MDFIC: variants seen among roughly 807,000 people sequenced by gnomAD.
MDFIC encodes the protein myoD family inhibitor domain-containing protein.
A neutral mutation model predicts 23.2 loss-of-function variants in MDFIC; 17 were observed. The observed-to-expected ratio is 0.73, with a 90% CI of 0.50 to 1.10. The LOEUF (loss-of-function observed/expected upper bound fraction) is 1.10. Ranked by LOEUF, MDFIC falls within the 50% of genes least tolerant of loss-of-function variation. The pLI is 0.00. For synonymous variants in MDFIC, 120 were observed against 115.2 expected, an observed-to-expected ratio of 1.04 and a Z score of -0.27; for missense variants, 356 against 316.6, an observed-to-expected ratio of 1.12 and a Z score of -0.95.
At chr7:114,955,573 C>T (rs1792867576) in intron 3 of MDFIC, among the ~76,000 whole-genome samples, 3 of 152,274 alleles carry the variant, frequency 2.0e-5, no homozygotes, top group Admixed American at 6.5e-5. Context: ...CTCTGTAGAC[C>T]CCACATCCCT....
intron 2 of MDFIC, among the ~76,000 whole-genome samples, chr7:114,926,832 G>A (rs963018690): frequency 6.6e-6 from 1 of 152,236 alleles, no homozygotes. Flanking sequence ...TGTATATAAT[G>A]TATACTTGTA....
At chr7:114,989,680 C>T (rs993676933) in intron 4 of MDFIC, among the ~76,000 whole-genome samples, 8 of 152,176 alleles carry the variant, frequency 5.3e-5, no homozygotes, top group African/African-American at 1.2e-4. Flanking sequence ...TTGTTAACCT[C>T]GATGGCTCTG....
At chr7:114,927,571 A>G (rs1792218503) in intron 2 of MDFIC, among the ~76,000 whole-genome samples, 1 of 152,166 alleles carries the variant, frequency 6.6e-6, no homozygotes, top group South Asian at 2.1e-4. Flanking sequence ...AAGAAATGCA[A>G]AAGTAAAAAT....
chr7:114,923,365 G>A, intron 2 of MDFIC: 1 of 1,346,948 alleles, frequency 7.4e-7, no homozygotes, highest in Non-Finnish European at 1.0e-6. Flanking sequence ...CTTTGGTTGC[G>A]AAGAAACAGG....
intron 4 of MDFIC, among the ~76,000 whole-genome samples, chr7:114,986,555 A>G (rs1412571762): frequency 6.6e-6 from 1 of 152,220 alleles, no homozygotes; most frequent in Non-Finnish European, 1.5e-5. Flanking sequence ...TGCAAACTCC[A>G]GGTCTAACTC....
intron 2 of MDFIC, among the ~76,000 whole-genome samples, chr7:114,926,696 T>A (rs1792197439): frequency 2.0e-5 from 3 of 152,134 alleles, no homozygotes; most frequent in African/African-American, 7.2e-5. Context: ...TAATCTAAAA[T>A]AGAAGCTGGG....
At chr7:114,980,027 G>A (rs117374702) in intron 4 of MDFIC, 6,877 of 515,008 alleles carry the variant, frequency 0.013, 59 homozygotes, top group Non-Finnish European at 0.018. Context: ...AAATATAACT[G>A]CTATACTTCT....
At chr7:114,989,168 G>C (rs887464570) in intron 4 of MDFIC, among the ~76,000 whole-genome samples, 3 of 152,290 alleles carry the variant, frequency 2.0e-5, no homozygotes, top group Non-Finnish European at 2.9e-5. Context: ...ACAGACTGGA[G>C]ATAATGATAT....
At chr7:114,993,495 TAA>T (rs1791238091) in intron 4 of MDFIC, among the ~76,000 whole-genome samples, 1 of 152,262 alleles carries the variant, frequency 6.6e-6, no homozygotes, top group South Asian at 2.1e-4. Flanking sequence ...TTTAGTGTTA[TAA>T]ATTTCCCTTT....
intron 4 of MDFIC, among the ~76,000 whole-genome samples, chr7:114,998,147 GA>G (rs1371180067): frequency 6.6e-6 from 1 of 152,156 alleles, no homozygotes; most frequent in Admixed American, 6.5e-5. Context: ...AAGTTTTGGG[GA>G]AAAATACAGA....
chr7:114,953,604 T>A lies in MDFIC; in HGVS notation c.217+11207T>A, dbSNP rs115169865. On this transcript the variant is annotated intron_variant, in intron 3 of 4. Coordinates refer to ENST00000393486, the MANE Select transcript of MDFIC (RefSeq NM_001166345.3). ...TCATTGTGTGAAACAGTGTTGAGTGTGATATGGCTGTGACTCTTTATGCCT... is the reference window on the plus strand; with the variant it reads ...TCATTGTGTGAAACAGTGTTGAGTGAGATATGGCTGTGACTCTTTATGCCT... Among the ~76,000 whole-genome samples, 669 of 152,320 alleles carry A rather than the reference T, an allele frequency of 4.4e-3. 5 individuals are homozygous for A. Among genetic ancestry groups the A allele is most frequent in the African/African-American group, 0.016 (646 of 41,580 alleles).
At chr7:114,951,266 G>T (rs1792763494) in intron 3 of MDFIC, among the ~76,000 whole-genome samples, 1 of 152,036 alleles carries the variant, frequency 6.6e-6, no homozygotes, top group Admixed American at 6.6e-5. Flanking sequence ...TTGCTGCTTT[G>T]GCCTAAGGTC....
chr7:114,999,027 CTG>C lies in MDFIC; in HGVS notation c.494-16659_494-16658del, dbSNP rs200518027. On this transcript the variant is annotated intron_variant, in intron 4 of 4. Coordinates refer to ENST00000393486, the MANE Select transcript of MDFIC (RefSeq NM_001166345.3). ...GTACACCTTCCATATCTCTGTCTGA[CTG>C]TCTCTGTTCCCCATGTCTCTTTCTC... Among the ~76,000 whole-genome samples, 868 of 152,154 alleles carry C rather than the reference CTG, an allele frequency of 5.7e-3. 11 individuals are homozygous for C. Among genetic ancestry groups the C allele is most frequent in the African/African-American group, 0.019 (791 of 41,520 alleles).
At position 114,922,099 on chromosome 7, in the gene MDFIC, C is replaced by T. The variant is rs888304935; in HGVS notation, c.-645C>T. On this transcript the variant is annotated 5_prime_UTR_variant, in exon 1 of 5. Transcript: ENST00000393486. ...GGGCAGCCAGGGACCTGCCCATTCA[C>T]TCCCCTTTCCCAGCCCCGGGAGGGC... 5 of 281,808 alleles carry T rather than the reference C, an allele frequency of 1.8e-5. No individual in the cohort carries two copies. Among genetic ancestry groups the T allele is most frequent in the Non-Finnish European group, 2.6e-5 (4 of 152,224 alleles). 17.5% of individuals were successfully genotyped at this position (281,808 alleles called of 1,614,324 possible).
rs1441616057 is a variant in MDFIC, at chr7:115,018,989, TATA to T, written c.*3058_*3060del. 2.6e-5 allele frequency: 4 copies of T among 151,246 alleles called. No homozygotes were observed. Among genetic ancestry groups the T allele is most frequent in the Non-Finnish European group, 5.9e-5 (4 of 67,760 alleles). The allele number at this position is 151,246 out of a possible 1,614,324, so 9.4% of individuals were successfully genotyped here. ...AAAACACAGTGTTCTTTTAAAAATC[TATA>T]ATATGTCAAAATACAAGTTTTTTTT... is the stretch of plus-strand genomic sequence containing the variant. On this transcript the variant is annotated 3_prime_UTR_variant, in exon 5 of 5. Coordinates refer to ENST00000393486, the MANE Select transcript of MDFIC (RefSeq NM_001166345.3).
chr7:114,954,267 C>A (rs1037621936), intron 3 of MDFIC, among the ~76,000 whole-genome samples: 5 of 152,220 alleles, frequency 3.3e-5, no homozygotes, highest in African/African-American at 1.2e-4. Context: ...GCCTAATCTG[C>A]TAATTACGTT....
intron 3 of MDFIC, among the ~76,000 whole-genome samples, chr7:114,973,020 C>A (rs1054022124): frequency 2.0e-4 from 30 of 151,642 alleles, no homozygotes; most frequent in Non-Finnish European, 3.1e-4. Context: ...AGCCGATCAT[C>A]ATTTAAACAT....
At chr7:114,979,002 A>G (rs990756590) in intron 3 of MDFIC, among the ~76,000 whole-genome samples, 3 of 152,170 alleles carry the variant, frequency 2.0e-5, no homozygotes, top group African/African-American at 7.2e-5. Context: ...AGGATTCACA[A>G]TGGGATTTTT....
chr7:114,950,882 G>A (rs541033797), intron 3 of MDFIC, among the ~76,000 whole-genome samples: 1 of 152,076 alleles, frequency 6.6e-6, no homozygotes, highest in Admixed American at 6.5e-5. Flanking sequence ...AAACTTAAAG[G>A]GTCAGGAGGG....
Sources: allele counts gnomAD v4.1 joint callset (sites outside exome capture counted in the v4.1 genomes callset), GRCh38; gene constraint gnomAD v4.1.1; transcripts MANE v1.5; gene names NCBI Gene and HGNC (gene_info 2026-07-23, HGNC 2026-07-21).